Variants in VWA3A observed in about 807,000 individuals in gnomAD.
VWA3A encodes von Willebrand factor A domain containing 3A.
A neutral mutation model predicts 160.4 loss-of-function variants in VWA3A; 134 were observed. The ratio of observed to expected loss-of-function variants is 0.84; its 90% CI spans 0.73 to 0.96. The LOEUF is 0.96. Ranked by LOEUF, VWA3A falls within the 40% of genes least tolerant of loss-of-function variation. The pLI, the probability that VWA3A is intolerant of heterozygous loss-of-function variation, is 0.00. For missense variants in VWA3A, 1,310 were observed against 1,447.9 expected (o/e 0.90, Z 1.55); for synonymous variants, 476 against 543.4 (o/e 0.88, Z 1.72).
In VWA3A at chr16:22,118,794, A is replaced by G. The variant is rs538998241; in HGVS notation, c.991-108A>G. ...CCAGTGTATAAGGCCTGGTGGAGAG[A>G]GTCTGACCCTCTGCCTGGGCATTGG... On this transcript the variant is annotated intron_variant, in intron 11 of 33. Coordinates refer to ENST00000389398, the MANE Select transcript of VWA3A (RefSeq NM_173615.5). 1.5e-5 allele frequency: 22 copies of G among 1,446,254 alleles called. No homozygotes were observed. In the South Asian group the frequency reaches 2.1e-4, roughly 13 times the overall value. The allele number at this position is 1,446,254 out of a possible 1,614,324, so 89.6% of individuals were successfully genotyped here. A position where few individuals can be genotyped will look rare whatever the true frequency, so the allele number is the denominator to read the frequency against.
At chr16:22,109,412 A>C (rs994315162) in intron 6 of VWA3A, 70 bp from the exon 7 acceptor site, 24 of 1,294,562 alleles carry the variant, frequency 1.9e-5, no homozygotes, top group Non-Finnish European at 2.3e-5. Context: ...ACTGCGTGGC[A>C]CAGAGCAGCT....
intron 25 of VWA3A, among the ~76,000 whole-genome samples, chr16:22,143,675 C>T (rs1279369969): frequency 6.6e-6 from 1 of 151,906 alleles, no homozygotes; most frequent in Non-Finnish European, 1.5e-5. Flanking sequence ...GTAACAGTGT[C>T]CACTAGACTA....
Position 22,156,028 on chromosome 16 carries a change from A to G in VWA3A, c.*15-4A>G. On this transcript the variant is annotated splice_region_variant and splice_polypyrimidine_tract_variant and intron_variant, in intron 33 of 33. Coordinates refer to ENST00000389398, the MANE Select transcript of VWA3A (RefSeq NM_173615.5). ...GGTTAAAAAATAATGATTCCTCTAA[A>G]CAGAAAAGTCATCCTGCAAAGGACC... 8.2e-7 allele frequency: 1 copy of G among 1,214,060 alleles called. No homozygotes were observed. The highest frequency in any genetic ancestry group is 1.2e-6 in the Non-Finnish European group (1 of 860,110). 75.2% of individuals were successfully genotyped at this position (1,214,060 alleles called of 1,614,324 possible).
In VWA3A at chr16:22,154,960, CAAAAAAAAAAAAAAAAAAAAAA is replaced by C. The variant is rs747770335; in HGVS notation, c.3406-591_3406-570del. 4.6e-4 allele frequency among the ~76,000 whole-genome samples: 25 copies of C among 54,434 alleles called. 1 individual carries two copies. The highest frequency in any genetic ancestry group is 1.2e-3 in the South Asian group (2 of 1,732). The allele number at this position is 54,434 out of a possible 152,430, so 35.7% of individuals were successfully genotyped here. A position where few individuals can be genotyped will look rare whatever the true frequency, so the allele number is the denominator to read the frequency against. On this transcript the variant is annotated intron_variant, in intron 31 of 33. Transcript: ENST00000389398. ...TGGGCGACAGAGCGAGACTCCGTCT[CAAAAAAAAAAAAAAAAAAAAAA>C]AAAAAAAAAAAAAAAGCATGCCTCA...
chr16:22,133,401 C>T (rs1490595127), intron 20 of VWA3A, among the ~76,000 whole-genome samples: 1 of 152,064 alleles, frequency 6.6e-6, no homozygotes, highest in East Asian at 1.9e-4. Flanking sequence ...CCCACAATCC[C>T]AGCAGTTTGA....
At chr16:22,131,147 G>C in intron 17 of VWA3A, 58 bp from the exon 18 acceptor site, 1 of 1,535,524 alleles carries the variant, frequency 6.5e-7, no homozygotes, top group African/African-American at 1.4e-5. Flanking sequence ...GCCCAAAGAG[G>C]TGGGCCACCA....
chr16:22,146,963 C>T (rs760212022), intron 27 of VWA3A, among the ~76,000 whole-genome samples: 16 of 152,132 alleles, frequency 1.1e-4, no homozygotes, highest in Non-Finnish European at 7.4e-5. Context: ...ATATTGACTG[C>T]GCCCCAGCAA....
intron 8 of VWA3A, among the ~76,000 whole-genome samples, chr16:22,113,363 CTTTTTTTTTTTTTTTTTTTTT>C (rs569069206): frequency 1.3e-4 from 6 of 46,264 alleles, no homozygotes; most frequent in Non-Finnish European, 2.7e-4. Context: ...GGCTAATTTT[CTTTTTTTTTTTTTTTTTTTTT>C]TTTTTTTTTT....
At position 22,129,970 on chromosome 16, in the gene VWA3A, T is replaced by G. The variant is rs1262064711; in HGVS notation, c.1653-1235T>G. 2.0e-5 allele frequency among the ~76,000 whole-genome samples: 3 copies of G among 152,092 alleles called. No individual in the cohort carries two copies. In the South Asian group the frequency reaches 6.2e-4, roughly 32 times the overall value. On this transcript the variant is annotated intron_variant, in intron 17 of 33. Transcript: ENST00000389398. The stretch of plus-strand genomic sequence containing the variant: ...TGAGAGGATGAGGCATGTGGATCAC[T>G]TGAGGCCAGGAGTTTGAGACCAGCC...
At position 22,153,841 on chromosome 16, in the gene VWA3A, G is replaced by A. The variant is rs151035126; in HGVS notation, c.3405+1207G>A. ...CACAGCCTCCACCTCCTGGGCTCAG[G>A]CAATCTTTCCACCTCAGCCTGCAGA... On this transcript the variant is annotated intron_variant, in intron 31 of 33. Coordinates refer to ENST00000389398, the MANE Select transcript of VWA3A (RefSeq NM_173615.5). Among the ~76,000 whole-genome samples, 22 of 150,894 alleles carry A rather than the reference G, an allele frequency of 1.5e-4. No individual in the cohort carries two copies. In the East Asian group the frequency reaches 4.1e-3, roughly 28 times the overall value.
intron 17 of VWA3A, among the ~76,000 whole-genome samples, chr16:22,126,945 ACAAAGAT>A (rs1466006064): frequency 3.5e-5 from 4 of 115,640 alleles, no homozygotes; most frequent in Non-Finnish European, 6.6e-5. Context: ...ATTAAATACA[ACAAAGAT>A]CAGAGAGGTT....
rs376060113 is a variant in VWA3A, at chr16:22,144,227, T to C, written c.2593-20T>C. On this transcript the variant is annotated intron_variant, in intron 25 of 33. Transcript: ENST00000389398. ...GAGTCTGAATTGCCTAAGATAATAG[T>C]TCTTTCCTTTATTCTAAAGTGGGTG... The C allele has an allele frequency of 5.0e-6, 8 of 1,601,902 alleles. No homozygotes were observed. Among genetic ancestry groups the C allele is most frequent in the Non-Finnish European group, 8.5e-7 (1 of 1,174,812 alleles).
chr16:22,125,650 C>T (rs1005743796), intron 16 of VWA3A, among the ~76,000 whole-genome samples: 1 of 151,996 alleles, frequency 6.6e-6, no homozygotes, highest in South Asian at 2.1e-4. Context: ...GTCCCAATCT[C>T]CTGACCTTGT....
At chr16:22,150,889 A>G (rs184597978) in intron 30 of VWA3A, 43 bp downstream of exon 30, 6 of 1,581,972 alleles carry the variant, frequency 3.8e-6, no homozygotes, top group Middle Eastern at 1.7e-4. Flanking sequence ...CTTTTTCCAC[A>G]GCCACACATC....
intron 8 of VWA3A, among the ~76,000 whole-genome samples, chr16:22,113,399 AT>A (rs1437474480): frequency 1.7e-5 from 1 of 59,928 alleles, no homozygotes; most frequent in Non-Finnish European, 3.3e-5. Context: ...TTTTTTTTGT[AT>A]TTTTAGTAGA....
Position 22,120,989 on chromosome 16 carries a change from G to A in VWA3A, c.1138G>A (p.Gly380Arg). The change falls in exon 13 of 34, where the codon GGG (glycine) becomes AGG (arginine). Residue 380 changes from glycine to arginine, a missense_variant. Physicochemically the swap from Gly to Arg is moderately radical, Grantham distance 125. Transcript: ENST00000389398. ...MEEISTEITN[G>R]PLISLLPKPP... ...TTAGATTTCCACAGAGATTACAAAT[G>A]GGCCACTCATAAGCCTCTTGCCTAA... 1 of 1,613,958 alleles carries A rather than the reference G, an allele frequency of 6.2e-7. No homozygotes were observed. The highest frequency in any genetic ancestry group is 8.5e-7 in the Non-Finnish European group (1 of 1,179,878).
chr16:22,150,385 G>A (rs555220407), intron 29 of VWA3A, among the ~76,000 whole-genome samples: 2 of 152,082 alleles, frequency 1.3e-5, no homozygotes, highest in East Asian at 3.9e-4. Flanking sequence ...TGGGCAACAA[G>A]AACGAAACTC....
At chr16:22,124,869 A>T (rs1598073564) in intron 16 of VWA3A, among the ~76,000 whole-genome samples, 1 of 152,020 alleles carries the variant, frequency 6.6e-6, no homozygotes, top group East Asian at 1.9e-4. Context: ...AATCCCATAG[A>T]TTTTCTTTTG....
Position 22,156,172 on chromosome 16 carries a change from T to C in VWA3A, c.*155T>C, listed in dbSNP as rs113187463. On this transcript the variant is annotated 3_prime_UTR_variant, in exon 34 of 34. Coordinates refer to ENST00000389398, the MANE Select transcript of VWA3A (RefSeq NM_173615.5). ...GCTGAGGAAGGAAAGACTTTGTCTT[T>C]TGTGTGAGGGGCCATTCCCGGGTCT... 1 of 511,090 alleles carries C rather than the reference T, an allele frequency of 2.0e-6. No homozygotes were observed. Among genetic ancestry groups the C allele is most frequent in the East Asian group, 3.6e-5 (1 of 27,980 alleles). 31.7% of individuals were successfully genotyped at this position (511,090 alleles called of 1,614,324 possible). A position where few individuals can be genotyped will look rare whatever the true frequency, so the allele number is the denominator to read the frequency against.
Sources: allele counts gnomAD v4.1 joint callset (sites outside exome capture counted in the v4.1 genomes callset), GRCh38; gene constraint gnomAD v4.1.1; transcripts MANE v1.5; gene names NCBI Gene and HGNC (gene_info 2026-07-23, HGNC 2026-07-21).